KHDRBS2: variants seen among roughly 807,000 people sequenced by gnomAD.
KHDRBS2 encodes KH domain-containing, RNA-binding, signal transduction-associated protein 2.
A neutral mutation model predicts 44.3 loss-of-function variants in KHDRBS2; 26 were observed. The observed-to-expected ratio is 0.59, with a 90% confidence interval of 0.43 to 0.81. The LOEUF (loss-of-function observed/expected upper bound fraction) is 0.81. KHDRBS2 is among the 40% of genes least tolerant of loss of function. KHDRBS2 has a pLI of 0.00. For synonymous variants in KHDRBS2, 194 were observed against 151.1 expected (o/e 1.28, Z -2.08); for missense variants, 476 against 433.1 (o/e 1.10, Z -0.88).
In KHDRBS2 at chr6:61,729,065, G is replaced by A. The variant is rs535978624; in HGVS notation, c.893+3617C>T. 4.7e-4 allele frequency among the ~76,000 whole-genome samples: 72 copies of A among 152,160 alleles called. 1 individual carries two copies. Among genetic ancestry groups the A allele is most frequent in the Middle Eastern group, 6.8e-3 (2 of 294 alleles). On this transcript the variant is annotated intron_variant, in intron 7 of 8. Coordinates refer to ENST00000281156, the MANE Select transcript of KHDRBS2 (RefSeq NM_152688.4). ...CAGCACTAGTCACAATAGCAAAGAC[G>A]TGGAATCAACCTAAATGCCCATCAC...
chr6:62,037,648 G>A (rs190816281), intron 3 of KHDRBS2, among the ~76,000 whole-genome samples: 1 of 152,002 alleles, frequency 6.6e-6, no homozygotes, highest in Admixed American at 6.6e-5. Flanking sequence ...TTCTGGAAAT[G>A]TTCCAAATTC....
At chr6:61,805,212 T>G (rs919571041) in intron 6 of KHDRBS2, among the ~76,000 whole-genome samples, 63 of 152,254 alleles carry the variant, frequency 4.1e-4, no homozygotes, top group African/African-American at 1.5e-3. Context: ...CAAAGCTCCA[T>G]AGATCATTAG....
chr6:61,902,261 A>C (rs1804194593), intron 4 of KHDRBS2, among the ~76,000 whole-genome samples: 1 of 152,146 alleles, frequency 6.6e-6, no homozygotes, highest in South Asian at 2.1e-4. Flanking sequence ...AGTGTGAAAT[A>C]TTTAAACACA....
intron 2 of KHDRBS2, among the ~76,000 whole-genome samples, chr6:62,066,925 G>C (rs1328221945): frequency 2.0e-5 from 3 of 151,530 alleles, no homozygotes; most frequent in Non-Finnish European, 4.4e-5. Flanking sequence ...CATACAGATA[G>C]TTCTAACCAT....
intron 2 of KHDRBS2, among the ~76,000 whole-genome samples, chr6:62,066,834 G>A (rs1368697308): frequency 6.6e-6 from 1 of 151,318 alleles, no homozygotes; most frequent in African/African-American, 2.4e-5. Context: ...CTGCTTTTTT[G>A]TCCTGGATGG....
At chr6:62,200,566 A>G (rs933707938) in intron 1 of KHDRBS2, among the ~76,000 whole-genome samples, 1 of 152,218 alleles carries the variant, frequency 6.6e-6, no homozygotes, top group Non-Finnish European at 1.5e-5. Context: ...AATGGCGATC[A>G]TTAAAAAGTC....
intron 6 of KHDRBS2, among the ~76,000 whole-genome samples, chr6:61,782,502 CAATA>C (rs1300138328): frequency 3.3e-5 from 5 of 151,602 alleles, no homozygotes; most frequent in Non-Finnish European, 7.4e-5. Context: ...ATCTAAATCT[CAATA>C]AACGATCACA....
At chr6:61,633,019 C>G in the KHDRBS2 span, among the ~76,000 whole-genome samples, 2 of 152,030 alleles carry the variant, frequency 1.3e-5, no homozygotes, top group Non-Finnish European at 2.9e-5. Flanking sequence ...AGTGCAGCAA[C>G]CTAGTATTTG....
chr6:61,544,453 C>G, the KHDRBS2 span, among the ~76,000 whole-genome samples: 3 of 151,960 alleles, frequency 2.0e-5, no homozygotes, highest in Non-Finnish European at 4.4e-5. Flanking sequence ...ATAAAATGTT[C>G]TTAGCCTCCA....
the KHDRBS2 span, among the ~76,000 whole-genome samples, chr6:61,656,728 T>C: frequency 9.3e-4 from 141 of 151,930 alleles, no homozygotes; most frequent in Non-Finnish European, 1.0e-3. Flanking sequence ...GTTTGGATCC[T>C]ATGAGCTTGT....
chr6:61,601,228 C>A, the KHDRBS2 span, among the ~76,000 whole-genome samples: 6 of 151,974 alleles, frequency 3.9e-5, no homozygotes, highest in Non-Finnish European at 5.9e-5. Flanking sequence ...ATCCCCCAAC[C>A]CTTTTCCACT....
chr6:61,856,701 T>C (rs1330370316), intron 6 of KHDRBS2, among the ~76,000 whole-genome samples: 1 of 152,060 alleles, frequency 6.6e-6, no homozygotes, highest in Non-Finnish European at 1.5e-5. Context: ...TGGTATGTTG[T>C]TTTGTAAAAC....
chr6:61,553,835 T>A, the KHDRBS2 span, among the ~76,000 whole-genome samples: 1 of 152,198 alleles, frequency 6.6e-6, no homozygotes. Flanking sequence ...TACTGATTCC[T>A]ATTTTTATTG....
At chr6:61,885,252 AAG>A (rs1800783387) in intron 6 of KHDRBS2, among the ~76,000 whole-genome samples, 1 of 152,150 alleles carries the variant, frequency 6.6e-6, no homozygotes, top group South Asian at 2.1e-4. Context: ...AGAAAAAAAA[AAG>A]AGTTGTTATG....
At chr6:61,648,783 G>T in the KHDRBS2 span, among the ~76,000 whole-genome samples, 4 of 152,064 alleles carry the variant, frequency 2.6e-5, no homozygotes, top group African/African-American at 9.7e-5. Context: ...GGTAATATTT[G>T]TATATTTTTC....
At chr6:61,728,265 C>T (rs1340776914) in intron 7 of KHDRBS2, among the ~76,000 whole-genome samples, 1 of 151,470 alleles carries the variant, frequency 6.6e-6, no homozygotes, top group Non-Finnish European at 1.5e-5. Flanking sequence ...ACAGGGGGAG[C>T]AAGACACACT....
At chr6:61,972,154 T>C (rs1771562978) in intron 4 of KHDRBS2, among the ~76,000 whole-genome samples, 1 of 152,192 alleles carries the variant, frequency 6.6e-6, no homozygotes, top group Admixed American at 6.6e-5. Flanking sequence ...TGCAGGTCAG[T>C]GTTGACATAT....
chr6:61,772,622 G>C (rs1341389187), intron 6 of KHDRBS2, among the ~76,000 whole-genome samples: 1 of 151,762 alleles, frequency 6.6e-6, no homozygotes, highest in Admixed American at 6.6e-5. Flanking sequence ...GGAAGAAGTT[G>C]ATTCTCTTTT....
At chr6:61,926,728 T>C (rs1455958505) in intron 4 of KHDRBS2, among the ~76,000 whole-genome samples, 4 of 152,144 alleles carry the variant, frequency 2.6e-5, no homozygotes, top group African/African-American at 9.7e-5. Context: ...GTCTGTAGGT[T>C]TGAAACTCAG....
Sources: gnomAD v4.1 joint callset for allele counts (sites outside exome capture counted in the v4.1 genomes callset) on GRCh38, gnomAD v4.1.1 for gene constraint, MANE v1.5 for transcripts, NCBI Gene and HGNC (gene_info 2026-07-23, HGNC 2026-07-21) for gene names.